Variants in FRMD6 observed in about 807,000 individuals in gnomAD.
FRMD6 encodes FERM domain containing 6.
FRMD6 carries 37 observed loss-of-function variants against 73.2 expected under a neutral mutation model. The observed-to-expected ratio is 0.51, with a 90% CI of 0.39 to 0.66. The LOEUF (loss-of-function observed/expected upper bound fraction) is 0.66, where lower values mean the gene tolerates loss of function less well. FRMD6 is among the 30% of genes least tolerant of loss of function. The pLI is 0.00. For synonymous variants in FRMD6, 273 were observed against 282.2 expected (o/e 0.97, Z 0.33); for missense variants, 714 against 780.5 (o/e 0.91, Z 1.02).
At chr14:51,485,266 A>G (rs967111455), upstream of FRMD6, among the ~76,000 whole-genome samples, 2 of 151,686 alleles carry the variant, frequency 1.3e-5, no homozygotes, top group Non-Finnish European at 2.9e-5. Flanking sequence ...TGTCAAGTCA[A>G]CTCTGCTGGT....
chr14:51,589,149 A>G (rs1311594034), intron 2 of FRMD6, among the ~76,000 whole-genome samples: 1 of 152,208 alleles, frequency 6.6e-6, no homozygotes, highest in Non-Finnish European at 1.5e-5. Flanking sequence ...CTAAGTATGC[A>G]GCAAGCTTTC....
chr14:51,468,582 T>A, the FRMD6 span, among the ~76,000 whole-genome samples: 4 of 152,142 alleles, frequency 2.6e-5, no homozygotes, highest in Non-Finnish European at 5.9e-5. Flanking sequence ...TCTTAAAAAA[T>A]TTGACATTGT....
chr14:51,563,554 C>T lies in FRMD6; in HGVS notation c.-209-6794C>T, dbSNP rs368133735. Among the ~76,000 whole-genome samples the T allele has an allele frequency of 7.4e-4, 112 of 152,188 alleles. 2 individuals carry two copies. The South Asian group carries it at 0.022, about 30-fold the overall frequency. On this transcript the variant is annotated intron_variant, in intron 1 of 14. Coordinates refer to the FRMD6 transcript ENST00000356218. The stretch of plus-strand genomic sequence containing the variant: ...GCATGGTGGTGGGTGCCTGTAATCC[C>T]AGCTACTCTGGAGGCTGAGGCATGA...
chr14:51,659,448 G>A (rs1393195045), intron 1 of FRMD6, among the ~76,000 whole-genome samples: 1 of 152,150 alleles, frequency 6.6e-6, no homozygotes, highest in African/African-American at 2.4e-5. Flanking sequence ...TTTTTTGATG[G>A]CATTAAGCAG....
At chr14:51,570,638 A>G (rs1350779633) in intron 2 of FRMD6, among the ~76,000 whole-genome samples, 1 of 152,226 alleles carries the variant, frequency 6.6e-6, no homozygotes, top group Non-Finnish European at 1.5e-5. Flanking sequence ...GTTGTTAAAA[A>G]TGCAAATTCT....
At chr14:51,551,229 C>A (rs995601379) in intron 1 of FRMD6, among the ~76,000 whole-genome samples, 2 of 152,332 alleles carry the variant, frequency 1.3e-5, no homozygotes, top group East Asian at 3.9e-4. Flanking sequence ...AAGGTTTATT[C>A]TTGGGGCACT....
intron 1 of FRMD6, among the ~76,000 whole-genome samples, chr14:51,507,173 G>A (rs1427643200): frequency 4.0e-5 from 6 of 150,612 alleles, no homozygotes; most frequent in Admixed American, 4.0e-4. Context: ...GAAAGAGCAG[G>A]GAAAGCAGCC....
chr14:51,631,622 G>T (rs10444715), intron 2 of FRMD6, among the ~76,000 whole-genome samples: 2 of 152,004 alleles, frequency 1.3e-5, no homozygotes, highest in Non-Finnish European at 2.9e-5. Context: ...ACCATTGTCA[G>T]CACAGCTTCT....
rs945811684 is a variant in FRMD6, at chr14:51,623,449, G to A, written c.-147+53039G>A. 2.6e-5 allele frequency among the ~76,000 whole-genome samples: 4 copies of A among 152,130 alleles called. 1 individual carries two copies. The highest frequency in any genetic ancestry group is 9.7e-5 in the African/African-American group (4 of 41,416). On this transcript the variant is annotated intron_variant, in intron 2 of 14. Coordinates refer to the FRMD6 transcript ENST00000356218. ...AGACCTCTGGTTGGTCACTCTGAAA[G>A]CTGTAATTCTGCAAATTACTCAGCT... is the stretch of plus-strand genomic sequence containing the variant.
intron 2 of FRMD6, among the ~76,000 whole-genome samples, chr14:51,626,130 A>G (rs1259502113): frequency 6.6e-6 from 1 of 152,216 alleles, no homozygotes; most frequent in Non-Finnish European, 1.5e-5. Context: ...CACACCATAG[A>G]ATACTATGCA....
At chr14:51,716,155 G>T (rs1004493600) in intron 10 of FRMD6, among the ~76,000 whole-genome samples, 3 of 152,186 alleles carry the variant, frequency 2.0e-5, no homozygotes, top group African/African-American at 7.2e-5. Context: ...AAAGAAGGCA[G>T]TGCTAAGGGT....
chr14:51,414,246 G>A, the FRMD6 span, among the ~76,000 whole-genome samples: 1 of 152,136 alleles, frequency 6.6e-6, no homozygotes, highest in Admixed American at 6.5e-5. Flanking sequence ...TGTCCTGAAT[G>A]GTATTGCCTA....
chr14:51,649,297 T>C (rs1238186032), upstream of FRMD6, among the ~76,000 whole-genome samples: 1 of 152,230 alleles, frequency 6.6e-6, no homozygotes, highest in Non-Finnish European at 1.5e-5. Flanking sequence ...ATTATCACTA[T>C]GATTCAGAAA....
chr14:51,656,701 C>T (rs962148656), intron 1 of FRMD6, among the ~76,000 whole-genome samples: 10 of 152,170 alleles, frequency 6.6e-5, no homozygotes, highest in Non-Finnish European at 8.8e-5. Flanking sequence ...CTTGAGCCAC[C>T]GCGCCCGGCT....
intron 2 of FRMD6, among the ~76,000 whole-genome samples, chr14:51,612,799 C>G (rs1224508123): frequency 6.6e-6 from 1 of 152,168 alleles, no homozygotes; most frequent in Non-Finnish European, 1.5e-5. Flanking sequence ...AAATAAACCC[C>G]TACCAGTTCT....
intron 5 of FRMD6, among the ~76,000 whole-genome samples, chr14:51,703,386 G>A (rs951446466): frequency 2.0e-5 from 3 of 151,996 alleles, no homozygotes; most frequent in Non-Finnish European, 4.4e-5. Flanking sequence ...AATACATATG[G>A]CTAGTGAGTT....
chr14:51,548,016 T>C (rs2139414521), intron 1 of FRMD6: 1 of 152,304 alleles, frequency 6.6e-6, no homozygotes, highest in East Asian at 1.9e-4. Flanking sequence ...GTGATGGATG[T>C]GAAATCAGCT....
At chr14:51,476,745 C>T in the FRMD6 span, among the ~76,000 whole-genome samples, 1 of 151,972 alleles carries the variant, frequency 6.6e-6, no homozygotes. Context: ...TTTTGGTATC[C>T]CTTAAGAAAA....
chr14:51,559,207 T>C lies in FRMD6; in HGVS notation c.-209-11141T>C, dbSNP rs983456626. Among the ~76,000 whole-genome samples the C allele has an allele frequency of 6.6e-5, 10 of 152,240 alleles. No individual in the cohort carries two copies. In the East Asian group the frequency reaches 1.7e-3, roughly 26 times the overall value. On this transcript the variant is annotated intron_variant, in intron 1 of 14. Coordinates refer to the FRMD6 transcript ENST00000356218. ...CTGATTCTAGAGAATATACTAACTC[T>C]CACTCAGAAAAGAAATAAGATCTGT...
Sources: gnomAD v4.1 joint callset for allele counts (sites outside exome capture counted in the v4.1 genomes callset) on GRCh38, gnomAD v4.1.1 for gene constraint, MANE v1.5 for transcripts, NCBI Gene and HGNC (gene_info 2026-07-23, HGNC 2026-07-21) for gene names.